ERC2: variants seen among roughly 807,000 people sequenced by gnomAD.
ERC2 encodes ERC protein 2.
A neutral mutation model predicts 114.8 loss-of-function variants in ERC2; 42 were observed. The ratio of observed to expected loss-of-function variants is 0.37; its 90% CI spans 0.29 to 0.47. The LOEUF (loss-of-function observed/expected upper bound fraction) is 0.47. Among genes scored for constraint, ERC2 ranks in the 20% least tolerant of loss-of-function variants. The probability of loss-of-function intolerance (pLI) is 0.99; values close to 1 mark genes in which losing one functional copy is unlikely to be tolerated. For missense variants in ERC2, 939 were observed against 1,150.7 expected (o/e 0.82, Z 2.66); for synonymous variants, 454 against 425.5 (o/e 1.07, Z -0.82).
At chr3:55,665,483 G>A (rs1477067012) in intron 17 of ERC2, among the ~76,000 whole-genome samples, 1 of 152,146 alleles carries the variant, frequency 6.6e-6, no homozygotes, top group Non-Finnish European at 1.5e-5. Flanking sequence ...TTAGGTGACT[G>A]TTGTCCTTAT....
At chr3:56,170,303 G>A (rs910377946) in intron 4 of ERC2, among the ~76,000 whole-genome samples, 10 of 152,192 alleles carry the variant, frequency 6.6e-5, no homozygotes, top group African/African-American at 2.4e-4. Context: ...CCAGTTTGAT[G>A]CAGGCAGATG....
In ERC2 at chr3:56,378,776, G is replaced by A. The variant is rs2059642702; in HGVS notation, c.657+55575C>T. On this transcript the variant is annotated intron_variant, in intron 2 of 17. Coordinates refer to ENST00000288221, the MANE Select transcript of ERC2 (RefSeq NM_015576.3). The stretch of plus-strand genomic sequence containing the variant: ...CAGGCTCCCATTCCTGCCTTGTCAT[G>A]ACTATACCAGCAGTGTGCCAGAAAC... 2.0e-5 allele frequency among the ~76,000 whole-genome samples: 3 copies of A among 152,118 alleles called. 1 individual carries two copies. The South Asian group carries it at 6.2e-4, about 32-fold the overall frequency.
Position 55,545,896 on chromosome 3 carries a change from A to G in ERC2, c.*40-34620T>C, listed in dbSNP as rs545629539. On this transcript the variant is annotated intron_variant, in intron 17 of 17. Transcript: ENST00000288221. ...ACCCAAGGGGCGGGGGAACTAGAGAATCCCATTTGGAGGTCTTGGGTCCCG... is the reference window on the plus strand; with the variant it reads ...ACCCAAGGGGCGGGGGAACTAGAGAGTCCCATTTGGAGGTCTTGGGTCCCG... Among the ~76,000 whole-genome samples, 3 of 152,226 alleles carry G rather than the reference A, an allele frequency of 2.0e-5. No individual in the cohort carries two copies. The South Asian group carries it at 6.2e-4, about 32-fold the overall frequency.
intron 3 of ERC2, among the ~76,000 whole-genome samples, chr3:56,175,873 T>C (rs1426898259): frequency 6.6e-6 from 1 of 152,230 alleles, no homozygotes; most frequent in Admixed American, 6.5e-5. Context: ...TACATTTAAT[T>C]TGTAACATTA....
intron 3 of ERC2, among the ~76,000 whole-genome samples, chr3:56,176,787 G>T (rs916282989): frequency 6.6e-6 from 1 of 152,144 alleles, no homozygotes; most frequent in Non-Finnish European, 1.5e-5. Flanking sequence ...AGGACCAGTT[G>T]CCCAAGGAAG....
At chr3:55,903,259 TA>T (rs1269750095) in intron 13 of ERC2, among the ~76,000 whole-genome samples, 1 of 152,152 alleles carries the variant, frequency 6.6e-6, no homozygotes, top group African/African-American at 2.4e-5. Flanking sequence ...CTTCTCTGAT[TA>T]AAAAAAATTC....
chr3:56,194,894 A>G (rs1180687925), intron 3 of ERC2, among the ~76,000 whole-genome samples: 1 of 152,110 alleles, frequency 6.6e-6, no homozygotes, highest in African/African-American at 2.4e-5. Context: ...ATGTTTCTAG[A>G]TCTTTTCTAC....
intron 14 of ERC2, among the ~76,000 whole-genome samples, chr3:55,767,666 C>T (rs1575539090): frequency 6.6e-6 from 1 of 152,192 alleles, no homozygotes; most frequent in East Asian, 1.9e-4. Flanking sequence ...CTCCTGCCAG[C>T]TCTGCTCTGT....
At chr3:56,381,680 A>T (rs1471190926) in intron 2 of ERC2, among the ~76,000 whole-genome samples, 2 of 151,844 alleles carry the variant, frequency 1.3e-5, no homozygotes, top group East Asian at 3.9e-4. Context: ...AACAGAAACA[A>T]AGAGACAAAG....
intron 17 of ERC2, among the ~76,000 whole-genome samples, chr3:55,575,164 G>A (rs1293437889): frequency 1.3e-5 from 2 of 152,116 alleles, no homozygotes; most frequent in Non-Finnish European, 1.5e-5. Flanking sequence ...ACAGGCATGC[G>A]CCACTAAGCC....
chr3:55,651,642 G>T (rs1171059920), intron 17 of ERC2, among the ~76,000 whole-genome samples: 2 of 152,136 alleles, frequency 1.3e-5, no homozygotes, highest in Admixed American at 6.5e-5. Flanking sequence ...TGAATATGTG[G>T]CTCAGTCTTT....
At chr3:56,319,576 C>A (rs1158183521) in intron 2 of ERC2, among the ~76,000 whole-genome samples, 1 of 152,072 alleles carries the variant, frequency 6.6e-6, no homozygotes, top group African/African-American at 2.4e-5. Context: ...CTATAGCTAA[C>A]CATATTGTAT....
intron 1 of ERC2, among the ~76,000 whole-genome samples, chr3:56,465,666 T>C (rs569226101): frequency 4.6e-5 from 7 of 152,242 alleles, no homozygotes; most frequent in Non-Finnish European, 1.0e-4. Flanking sequence ...TTTTAAGTCA[T>C]CATCATTAAG....
intron 14 of ERC2, among the ~76,000 whole-genome samples, chr3:55,784,962 A>AAGAAAGAC (rs1357093527): frequency 6.6e-6 from 1 of 152,204 alleles, no homozygotes; most frequent in Non-Finnish European, 1.5e-5. Flanking sequence ...CAGAGGAGAT[A>AAGAAAGAC]AGAAAGACAT....
intron 3 of ERC2, among the ~76,000 whole-genome samples, chr3:56,198,071 C>T (rs1342075589): frequency 6.6e-6 from 1 of 152,080 alleles, no homozygotes; most frequent in African/African-American, 2.4e-5. Context: ...TGATGACCAA[C>T]AAAAAGAGGC....
chr3:55,547,700 G>T (rs1284428619), intron 17 of ERC2, among the ~76,000 whole-genome samples: 1 of 152,206 alleles, frequency 6.6e-6, no homozygotes, highest in East Asian at 1.9e-4. Flanking sequence ...GAGGAGGAGA[G>T]GTGGGGGCTT....
chr3:55,640,395 G>A (rs902128922), intron 17 of ERC2, among the ~76,000 whole-genome samples: 1 of 152,202 alleles, frequency 6.6e-6, no homozygotes, highest in African/African-American at 2.4e-5. Flanking sequence ...GCCCTGGAAA[G>A]AGAAACCCCA....
At chr3:55,575,864 G>C (rs890966652) in intron 17 of ERC2, among the ~76,000 whole-genome samples, 4 of 152,212 alleles carry the variant, frequency 2.6e-5, no homozygotes, top group Non-Finnish European at 5.9e-5. Context: ...AGACACATCT[G>C]ATTGCTTGAA....
intron 6 of ERC2, among the ~76,000 whole-genome samples, chr3:56,109,755 T>C (rs1238582572): frequency 1.3e-5 from 2 of 152,126 alleles, no homozygotes; most frequent in Non-Finnish European, 2.9e-5. Flanking sequence ...TGTATTGTAC[T>C]TCCAAAAAGA....
Sources: allele counts gnomAD v4.1 joint callset (sites outside exome capture counted in the v4.1 genomes callset), GRCh38; gene constraint gnomAD v4.1.1; transcripts MANE v1.5; gene names NCBI Gene and HGNC (gene_info 2026-07-23, HGNC 2026-07-21).